TMEM97: variants seen among roughly 807,000 people sequenced by gnomAD.
TMEM97 encodes the protein transmembrane protein 97, also known as sigma intracellular receptor 2.
A neutral mutation model predicts 18.3 loss-of-function variants in TMEM97; 13 were observed. That is an observed-to-expected ratio of 0.71 (90% CI 0.46 to 1.13). The LOEUF is 1.13. Ranked by LOEUF, TMEM97 falls within the 50% of genes most tolerant of loss-of-function variation. The pLI is 0.00. For synonymous variants in TMEM97, 76 were observed against 85.3 expected, an observed-to-expected ratio of 0.89 and a Z score of 0.60; for missense variants, 205 against 210.5, an observed-to-expected ratio of 0.97 and a Z score of 0.16.
intron 1 of TMEM97, 122 bp downstream of exon 1, chr17:28,319,487 T>C: frequency 9.8e-6 from 12 of 1,227,712 alleles, no homozygotes; most frequent in Non-Finnish European, 1.3e-5. Context: ...GTCCTGCCCA[T>C]GCCTCCCCCG....
chr17:28,322,042 A>G (rs1555574944), intron 1 of TMEM97, among the ~76,000 whole-genome samples: 1 of 152,046 alleles, frequency 6.6e-6, no homozygotes, highest in Non-Finnish European at 1.5e-5. Context: ...AGTTATTCTC[A>G]TATTCTCTTT....
At chr17:28,322,071 A>G (rs1016897847) in intron 1 of TMEM97, among the ~76,000 whole-genome samples, 1 of 152,018 alleles carries the variant, frequency 6.6e-6, no homozygotes, top group Non-Finnish European at 1.5e-5. Context: ...CCAAAATTTA[A>G]CATCTGTCAT....
intron 1 of TMEM97, among the ~76,000 whole-genome samples, chr17:28,321,844 T>TGTGTGTGTGTGTGTGTGTGTG (rs1597777801): frequency 1.3e-5 from 1 of 75,888 alleles, no homozygotes; most frequent in Non-Finnish European, 3.0e-5. Context: ...GTGTGTGTGT[T>TGTGTGTGTGTGTGTGTGTGTG]TGTGTGAGAT....
At chr17:28,325,262 A>T (rs2142158341) in intron 1 of TMEM97, among the ~76,000 whole-genome samples, 1 of 152,288 alleles carries the variant, frequency 6.6e-6, no homozygotes. Context: ...TAACACAAAG[A>T]AGGGGCTGGA....
In TMEM97 at chr17:28,326,952, T is replaced by A; in HGVS notation, c.*159T>A. The A allele has an allele frequency of 4.3e-5, 36 of 829,816 alleles. No homozygotes were observed. Among genetic ancestry groups the A allele is most frequent in the Non-Finnish European group, 6.3e-5 (34 of 542,984 alleles). 51.4% of individuals were successfully genotyped at this position (829,816 alleles called of 1,614,324 possible). Reference sequence around the variant, plus strand: ...TGGTGTCAGGAACCATGTCAAACCCTCACCTTCTTCCATTTTTTTTTTTTT... The same window carrying A: ...TGGTGTCAGGAACCATGTCAAACCCACACCTTCTTCCATTTTTTTTTTTTT... On this transcript the variant is annotated 3_prime_UTR_variant, in exon 3 of 3. Transcript: ENST00000226230.
At chr17:28,321,240 T>G (rs1597777403) in intron 1 of TMEM97, among the ~76,000 whole-genome samples, 4 of 152,318 alleles carry the variant, frequency 2.6e-5, no homozygotes, top group African/African-American at 7.2e-5. Flanking sequence ...ATCTCTGGTG[T>G]TATAGGACCT....
rs782510505 is a variant in TMEM97 at position 28,326,619 on chromosome 17, G to A, written c.357G>A (p.Leu119=). The A allele has an allele frequency of 8.1e-6, 13 of 1,614,024 alleles. No homozygotes were observed. Among genetic ancestry groups the A allele is most frequent in the Non-Finnish European group, 1.1e-5 (13 of 1,180,042 alleles). Residue 119 remains leucine, a synonymous_variant, in exon 3 of 3, where the codon CTG becomes CTA. Transcript: ENST00000226230. The stretch of plus-strand genomic sequence containing the variant: ...TAATTCCGATACTCTCCACATTTCT[G>A]TTTGAGGATTTCTCCAAAGCCAGTG... ...TTLIPILSTF[L]FEDFSKASGF...
At chr17:28,319,603 C>T in intron 1 of TMEM97, 1 of 432,482 alleles carries the variant, frequency 2.3e-6, no homozygotes, top group East Asian at 3.9e-5. Context: ...AAAGTCACTT[C>T]TTCCCTGGGT....
At chr17:28,325,376 T>C (rs1379547320) in intron 1 of TMEM97, 127 bp from the exon 2 acceptor site, 28 of 1,239,000 alleles carry the variant, frequency 2.3e-5, no homozygotes, top group Non-Finnish European at 3.1e-5. Context: ...GGACATGCCA[T>C]CTGCTGCCGG....
chr17:28,319,564 G>C, intron 1 of TMEM97, 199 bp downstream of exon 1: 1 of 563,118 alleles, frequency 1.8e-6, no homozygotes, highest in African/African-American at 2.0e-5. Flanking sequence ...CTTCTCCCAA[G>C]CGGCGGGGGC....
chr17:28,321,800 CTGTGTGTGTGTGTGTGTGTG>C lies in TMEM97; in HGVS notation c.126+2459_126+2478del, dbSNP rs538038865. 9.6e-4 allele frequency among the ~76,000 whole-genome samples: 127 copies of C among 132,296 alleles called. 1 individual carries two copies. The highest frequency in any genetic ancestry group is 4.0e-3 in the Middle Eastern group (1 of 248). 86.8% of individuals were successfully genotyped at this position (132,296 alleles called of 152,430 possible). A position where few individuals can be genotyped will look rare whatever the true frequency, so the allele number is the denominator to read the frequency against. On this transcript the variant is annotated intron_variant, in intron 1 of 2. Coordinates refer to ENST00000226230, the MANE Select transcript of TMEM97 (RefSeq NM_014573.3). Reference sequence around the variant, plus strand: ...AGTGCAGGCAGCATCTGGCCAGAACCTGTGTGTGTGTGTGTGTGTGTGTGTGTGTGTGTGTGTGTGTGTTT... The same window carrying C: ...AGTGCAGGCAGCATCTGGCCAGAACCTGTGTGTGTGTGTGTGTGTGTGTTT...
intron 1 of TMEM97, among the ~76,000 whole-genome samples, chr17:28,321,126 C>T (rs1249112039): frequency 2.0e-5 from 3 of 152,198 alleles, no homozygotes; most frequent in Non-Finnish European, 4.4e-5. Flanking sequence ...TCTGCAGTAA[C>T]CATTAATTGC....
intron 1 of TMEM97, among the ~76,000 whole-genome samples, chr17:28,323,563 T>A (rs2142157034): frequency 6.6e-6 from 1 of 152,004 alleles, no homozygotes; most frequent in South Asian, 2.1e-4. Flanking sequence ...CACACCCAGC[T>A]AATTTTTGTA....
intron 2 of TMEM97, 74 bp from the exon 3 acceptor site, chr17:28,326,454 GCAGAGA>G (rs1906340464): frequency 6.6e-7 from 1 of 1,507,810 alleles, no homozygotes; most frequent in Non-Finnish European, 9.0e-7. Flanking sequence ...AAGCAGGCAG[GCAGAGA>G]CAGTGGGAAG....
At chr17:28,321,128 A>C (rs1211155468) in intron 1 of TMEM97, among the ~76,000 whole-genome samples, 3 of 152,208 alleles carry the variant, frequency 2.0e-5, no homozygotes, top group African/African-American at 7.2e-5. Context: ...TGCAGTAACC[A>C]TTAATTGCCC....
At chr17:28,319,484 C>T in intron 1 of TMEM97, 119 bp downstream of exon 1, 2 of 1,236,046 alleles carry the variant, frequency 1.6e-6, no homozygotes, top group Non-Finnish European at 2.1e-6. Context: ...CGGGTCCTGC[C>T]CATGCCTCCC....
At chr17:28,324,284 T>C (rs1173078762) in intron 1 of TMEM97, among the ~76,000 whole-genome samples, 3 of 152,382 alleles carry the variant, frequency 2.0e-5, no homozygotes. Context: ...TTGGATATCC[T>C]TTGGTCAATA....
chr17:28,325,736 G>A, intron 2 of TMEM97, 89 bp downstream of exon 2: 9 of 1,549,962 alleles, frequency 5.8e-6, no homozygotes, highest in Admixed American at 1.8e-5. Flanking sequence ...GAAGGGGATG[G>A]TCCCCATAGT....
intron 2 of TMEM97, among the ~76,000 whole-genome samples, chr17:28,326,314 T>A (rs1906329575): frequency 6.6e-6 from 1 of 152,184 alleles, no homozygotes; most frequent in South Asian, 2.1e-4. Flanking sequence ...TTTTCCGAGT[T>A]ATGTTCTGAC....
Sources: allele counts gnomAD v4.1 joint callset (sites outside exome capture counted in the v4.1 genomes callset), GRCh38; gene constraint gnomAD v4.1.1; transcripts MANE v1.5; gene names NCBI Gene and HGNC (gene_info 2026-07-23, HGNC 2026-07-21).